PTPRT: variants seen among roughly 807,000 people sequenced by gnomAD.
PTPRT encodes the protein receptor-type tyrosine-protein phosphatase T.
PTPRT carries 56 observed loss-of-function variants against 176.8 expected under a neutral mutation model. The ratio of observed to expected loss-of-function variants is 0.32; its 90% CI spans 0.26 to 0.40. The LOEUF (loss-of-function observed/expected upper bound fraction) is 0.40, where lower values mean the gene tolerates loss of function less well. PTPRT is among the 10% of genes least tolerant of loss of function. The pLI is 1.00. For synonymous variants in PTPRT, 783 were observed against 739.0 expected (o/e 1.06, Z -0.96); for missense variants, 1,540 against 1,908.2 (o/e 0.81, Z 3.60).
rs1982638815 is a variant in PTPRT, at chr20:42,075,051, A to G, written c.*5828T>C. Reference sequence around the variant, plus strand: ...CCCTGCTGTTCAGTCTATGACCTCAAAGGCAGATCCCTGCAAGACAAAGCC... The same window carrying G: ...CCCTGCTGTTCAGTCTATGACCTCAGAGGCAGATCCCTGCAAGACAAAGCC... On this transcript the variant is annotated 3_prime_UTR_variant, in exon 31 of 31. Coordinates refer to ENST00000373187, the MANE Select transcript of PTPRT (RefSeq NM_007050.6). The G allele has an allele frequency of 1.0e-5, 4 of 389,456 alleles. No individual in the cohort carries two copies. The highest frequency in any genetic ancestry group is 2.1e-5 in the African/African-American group (1 of 48,446). 24.1% of individuals were successfully genotyped at this position (389,456 alleles called of 1,614,324 possible).
At chr20:42,573,414 C>G (rs2073193968) in intron 7 of PTPRT, among the ~76,000 whole-genome samples, 1 of 152,176 alleles carries the variant, frequency 6.6e-6, no homozygotes. Context: ...TGGAAGGACA[C>G]AAGCTGTTGA....
intron 9 of PTPRT, among the ~76,000 whole-genome samples, chr20:42,401,002 C>T (rs1419523354): frequency 6.6e-6 from 1 of 151,874 alleles, no homozygotes; most frequent in African/African-American, 2.4e-5. Flanking sequence ...CGAGGACCCC[C>T]TAGGTTTCTG....
intron 1 of PTPRT, among the ~76,000 whole-genome samples, chr20:43,009,274 C>T (rs889189907): frequency 2.0e-5 from 3 of 152,204 alleles, no homozygotes; most frequent in Non-Finnish European, 2.9e-5. Context: ...TTTACCCACT[C>T]GCTGACATAT....
chr20:42,270,241 T>C (rs574516880), intron 13 of PTPRT, among the ~76,000 whole-genome samples: 250 of 128,588 alleles, frequency 1.9e-3, no homozygotes, highest in Admixed American at 7.0e-3. Context: ...GATGGGTGGA[T>C]GAATGAATGT....
chr20:42,179,041 G>A (rs1990409571), intron 16 of PTPRT, among the ~76,000 whole-genome samples: 1 of 152,192 alleles, frequency 6.6e-6, no homozygotes, highest in South Asian at 2.1e-4. Context: ...CTGCAATGAG[G>A]AAGGGCGTTA....
intron 7 of PTPRT, among the ~76,000 whole-genome samples, chr20:42,505,118 C>A (rs1232841960): frequency 6.6e-6 from 1 of 152,120 alleles, no homozygotes; most frequent in South Asian, 2.1e-4. Flanking sequence ...TTAACCCCAA[C>A]CAAACAAGTT....
rs562529684 is a variant in PTPRT at position 43,146,650 on chromosome 20, G to A, written c.88+42996C>T. ...ATGATGTTGATGAAAAAGACTGTCTGGGGGTACTGAGCATGCCACTAGGGA... is the reference window on the plus strand; with the variant it reads ...ATGATGTTGATGAAAAAGACTGTCTAGGGGTACTGAGCATGCCACTAGGGA... On this transcript the variant is annotated intron_variant, in intron 1 of 30. Coordinates refer to ENST00000373187, the MANE Select transcript of PTPRT (RefSeq NM_007050.6). Among the ~76,000 whole-genome samples, 6 of 152,222 alleles carry A rather than the reference G, an allele frequency of 3.9e-5. No individual in the cohort carries two copies. In the South Asian group the frequency reaches 8.3e-4, roughly 21 times the overall value.
chr20:42,209,597 G>A (rs1457800456), intron 15 of PTPRT, among the ~76,000 whole-genome samples: 2 of 151,936 alleles, frequency 1.3e-5, no homozygotes, highest in Non-Finnish European at 2.9e-5. Flanking sequence ...ACTAAACCAG[G>A]AAGAAGTTGA....
chr20:42,067,705 C>G, the PTPRT span, among the ~76,000 whole-genome samples: 6 of 152,114 alleles, frequency 3.9e-5, no homozygotes, highest in African/African-American at 1.4e-4. Context: ...TAGAACTTCT[C>G]CCATGAATCA....
chr20:42,662,527 C>A (rs1442697606), intron 7 of PTPRT, among the ~76,000 whole-genome samples: 1 of 152,108 alleles, frequency 6.6e-6, no homozygotes, highest in African/African-American at 2.4e-5. Flanking sequence ...GTGGGGTAAG[C>A]CTTGCAGAGC....
chr20:42,944,638 C>A (rs1309361744), intron 1 of PTPRT, among the ~76,000 whole-genome samples: 1 of 152,180 alleles, frequency 6.6e-6, no homozygotes, highest in Non-Finnish European at 1.5e-5. Context: ...TGCCCTCCAC[C>A]TGGAGACCTC....
intron 1 of PTPRT, among the ~76,000 whole-genome samples, chr20:43,156,426 C>A (rs746797751): frequency 7.2e-5 from 11 of 152,136 alleles, no homozygotes; most frequent in Non-Finnish European, 1.5e-4. Flanking sequence ...GCTCAAAGAG[C>A]TAAAATGACT....
intron 8 of PTPRT, 36 bp downstream of exon 8, chr20:42,472,230 T>C (rs2071209132): frequency 1.3e-6 from 2 of 1,592,058 alleles, no homozygotes; most frequent in Middle Eastern, 1.7e-4. Context: ...AGATTCAATA[T>C]CCCCATTCCC....
intron 11 of PTPRT, among the ~76,000 whole-genome samples, chr20:42,347,422 C>T (rs909352883): frequency 4.6e-5 from 7 of 152,114 alleles, no homozygotes; most frequent in Admixed American, 6.5e-5. Flanking sequence ...GCCAGTCTAC[C>T]GCTTCTCTCA....
At chr20:42,841,111 T>G (rs2078270310) in intron 2 of PTPRT, among the ~76,000 whole-genome samples, 2 of 152,108 alleles carry the variant, frequency 1.3e-5, no homozygotes, top group African/African-American at 4.8e-5. Context: ...CACTGCTAGC[T>G]GGGGCTCAGC....
At chr20:42,178,882 T>C (rs1037726710) in intron 16 of PTPRT, among the ~76,000 whole-genome samples, 16 of 152,138 alleles carry the variant, frequency 1.1e-4, no homozygotes, top group African/African-American at 2.9e-4. Context: ...ACTTACAATA[T>C]AGTAGCTAGC....
intron 7 of PTPRT, among the ~76,000 whole-genome samples, chr20:42,538,824 C>G (rs2072523260): frequency 2.0e-5 from 3 of 152,158 alleles, no homozygotes; most frequent in African/African-American, 7.2e-5. Context: ...TGCCCACTCT[C>G]CACATTGGAC....
At chr20:43,081,774 G>A (rs2011450557) in intron 1 of PTPRT, among the ~76,000 whole-genome samples, 1 of 152,134 alleles carries the variant, frequency 6.6e-6, no homozygotes, top group Non-Finnish European at 1.5e-5. Flanking sequence ...TGTTTTCTGA[G>A]TGTGGGATTG....
At chr20:42,317,465 C>T (rs1024984639) in intron 11 of PTPRT, among the ~76,000 whole-genome samples, 9 of 152,032 alleles carry the variant, frequency 5.9e-5, no homozygotes, top group South Asian at 2.1e-4. Context: ...AACAGAAGAT[C>T]GATTGCCCAA....
Sources: gnomAD v4.1 joint callset for allele counts (sites outside exome capture counted in the v4.1 genomes callset) on GRCh38, gnomAD v4.1.1 for gene constraint, MANE v1.5 for transcripts, NCBI Gene and HGNC (gene_info 2026-07-23, HGNC 2026-07-21) for gene names.